The following APBA1 variants were observed in gnomAD, a reference collection of about 807,000 sequenced individuals.
APBA1 encodes amyloid beta precursor protein binding family A member 1.
In APBA1, 55 loss-of-function variants were observed where a neutral mutation model predicts 86.6. That is an observed-to-expected ratio of 0.64 (90% confidence interval 0.51 to 0.80). APBA1 has a LOEUF of 0.80. Ranked by LOEUF, APBA1 falls within the 30% of genes least tolerant of loss-of-function variation. The probability of loss-of-function intolerance (pLI) is 0.00; values close to 1 mark genes in which losing one functional copy is unlikely to be tolerated. For synonymous variants in APBA1, 511 were observed against 493.9 expected (o/e 1.03, Z -0.46); for missense variants, 1,090 against 1,183.0 (o/e 0.92, Z 1.15).
At chr9:69,459,545 C>A (rs1835156459) in intron 5 of APBA1, among the ~76,000 whole-genome samples, 1 of 152,208 alleles carries the variant, frequency 6.6e-6, no homozygotes, top group South Asian at 2.1e-4. Flanking sequence ...TCCAGTAATA[C>A]TTCTTGCCTT....
At chr9:69,593,763 G>T (rs1822177185) in intron 1 of APBA1, among the ~76,000 whole-genome samples, 1 of 152,136 alleles carries the variant, frequency 6.6e-6, no homozygotes, top group Non-Finnish European at 1.5e-5. Flanking sequence ...AGAGGTCCAG[G>T]ATTAAAATAA....
intron 6 of APBA1, among the ~76,000 whole-genome samples, chr9:69,457,350 C>T (rs1035487156): frequency 4.6e-5 from 7 of 152,264 alleles, no homozygotes; most frequent in South Asian, 2.1e-4. Context: ...GGGAAAAATG[C>T]GGAATCCCCT....
At chr9:69,663,244 C>T (rs912292081) in intron 1 of APBA1, among the ~76,000 whole-genome samples, 2 of 152,184 alleles carry the variant, frequency 1.3e-5, no homozygotes, top group African/African-American at 4.8e-5. Flanking sequence ...AAACTTGTTT[C>T]AGTGATGTAT....
intron 1 of APBA1, among the ~76,000 whole-genome samples, chr9:69,540,772 A>AT (rs989538362): frequency 1.3e-5 from 2 of 151,842 alleles, no homozygotes; most frequent in African/African-American, 4.8e-5. Flanking sequence ...CTAATTTTAA[A>AT]TTTTTTTGTA....
At chr9:69,630,906 G>T (rs1823029294) in intron 1 of APBA1, among the ~76,000 whole-genome samples, 1 of 152,224 alleles carries the variant, frequency 6.6e-6, no homozygotes. Context: ...GGACACTACA[G>T]TCAGTAAAGA....
intron 1 of APBA1, among the ~76,000 whole-genome samples, chr9:69,527,288 TTATTAA>T (rs1055031967): frequency 9.9e-5 from 15 of 152,078 alleles, no homozygotes; most frequent in East Asian, 3.8e-4. Context: ...CATGGTACAT[TTATTAA>T]TATTATTATT....
At chr9:69,547,055 C>T (rs1027942846) in intron 1 of APBA1, among the ~76,000 whole-genome samples, 3 of 152,320 alleles carry the variant, frequency 2.0e-5, no homozygotes, top group South Asian at 2.1e-4. Flanking sequence ...CTAGAAGACA[C>T]TTATGAATCT....
intron 2 of APBA1, among the ~76,000 whole-genome samples, chr9:69,506,414 C>G (rs2133878175): frequency 8.3e-6 from 1 of 120,430 alleles, no homozygotes; most frequent in African/African-American, 3.2e-5. Flanking sequence ...CTCAGAGGGT[C>G]CTACGCCCAC....
At chr9:69,566,526 A>G (rs1207039257) in intron 1 of APBA1, among the ~76,000 whole-genome samples, 2 of 152,170 alleles carry the variant, frequency 1.3e-5, no homozygotes, top group African/African-American at 4.8e-5. Context: ...GACTCTTACA[A>G]ATATAAATCT....
rs868740818 is a variant in APBA1, at chr9:69,627,568, C to T, written c.-70+44585G>A. 5.4e-4 allele frequency among the ~76,000 whole-genome samples: 82 copies of T among 152,196 alleles called. 1 individual carries two copies. Among genetic ancestry groups the T allele is most frequent in the African/African-American group, 1.9e-3 (80 of 41,512 alleles). ...TGTCAATTTGTTGTGATAACCTAAA[C>T]GACTTTCCTGGGTGACATAACAAGA... is the stretch of plus-strand genomic sequence containing the variant. On this transcript the variant is annotated intron_variant, in intron 1 of 12. Coordinates refer to ENST00000265381, the MANE Select transcript of APBA1 (RefSeq NM_001163.4).
chr9:69,666,310 G>A (rs1823838949), intron 1 of APBA1, among the ~76,000 whole-genome samples: 1 of 151,882 alleles, frequency 6.6e-6, no homozygotes, highest in Non-Finnish European at 1.5e-5. Context: ...CCAAATATCT[G>A]CAGGGCTCAC....
In APBA1 at chr9:69,441,064, C is replaced by A; in HGVS notation, c.2233G>T (p.Val745Leu). 6.2e-7 allele frequency: 1 copy of A among 1,614,116 alleles called. No individual in the cohort carries two copies. The highest frequency in any genetic ancestry group is 8.5e-7 in the Non-Finnish European group (1 of 1,180,038). ...GGTCTTCTGATTAACACGGTGGTCA[C>A]CGGAGGACATCTCACGATATTCAGC... ...VKLNIVRCPPVTTVLIRRPDL... is the reference protein window; with the variant it reads ...VKLNIVRCPPLTTVLIRRPDL... The change falls in exon 11 of 13, where the codon GTG becomes TTG. Residue 745 changes from valine to leucine, a missense_variant. This residue lies in a region of APBA1 where 119 missense variants were observed against 124.8 expected (regional missense o/e 0.95). Coordinates refer to ENST00000265381, the MANE Select transcript of APBA1 (RefSeq NM_001163.4).
chr9:69,558,553 CACACACACAT>C (rs1241615309), intron 1 of APBA1, among the ~76,000 whole-genome samples: 1 of 134,824 alleles, frequency 7.4e-6, no homozygotes, highest in African/African-American at 3.2e-5. Flanking sequence ...CATACACACA[CACACACACAT>C]ATATATATAT....
chr9:69,670,546 T>C (rs1823927629), intron 1 of APBA1, among the ~76,000 whole-genome samples: 1 of 152,168 alleles, frequency 6.6e-6, no homozygotes, highest in Non-Finnish European at 1.5e-5. Context: ...TAAAGTGCAC[T>C]CATTCCTATG....
At chr9:69,640,333 CA>C (rs1823262429) in intron 1 of APBA1, among the ~76,000 whole-genome samples, 1 of 151,950 alleles carries the variant, frequency 6.6e-6, no homozygotes, top group Admixed American at 6.6e-5. Flanking sequence ...GGAAATAAAG[CA>C]AATCTGGAAA....
At position 69,497,521 on chromosome 9, in the gene APBA1, C is replaced by T. The variant is rs556918540; in HGVS notation, c.1200+18490G>A. ...GTGCCCAGTGGCCCAGGTCACTCTC[C>T]ATCCCCAAAGTCCGAGAGTATCATC... On this transcript the variant is annotated intron_variant, in intron 2 of 12. Coordinates refer to ENST00000265381, the MANE Select transcript of APBA1 (RefSeq NM_001163.4). Among the ~76,000 whole-genome samples, 8 of 152,284 alleles carry T rather than the reference C, an allele frequency of 5.3e-5. No individual in the cohort carries two copies. The South Asian group carries it at 6.2e-4, about 12-fold the overall frequency.
chr9:69,494,889 C>G (rs1451430460), intron 2 of APBA1, among the ~76,000 whole-genome samples: 2 of 152,152 alleles, frequency 1.3e-5, no homozygotes, highest in Admixed American at 1.3e-4. Context: ...GTACATTATA[C>G]TCATTACCTC....
intron 1 of APBA1, among the ~76,000 whole-genome samples, chr9:69,641,909 G>C (rs563335423): frequency 2.4e-4 from 37 of 152,288 alleles, no homozygotes; most frequent in Admixed American, 5.9e-4. Flanking sequence ...GCCGTGGCGT[G>C]ATCTCGGCTC....
chr9:69,456,157 A>G, intron 8 of APBA1, 90 bp downstream of exon 8: 1 of 1,354,986 alleles, frequency 7.4e-7, no homozygotes, highest in Admixed American at 1.7e-5. Context: ...CAATAAATAC[A>G]TGCATCATGT....
Sources: gnomAD v4.1 joint callset for allele counts (sites outside exome capture counted in the v4.1 genomes callset) on GRCh38, gnomAD v4.1.1 for gene constraint, gnomAD v4.1.1 regional missense constraint, MANE v1.5 for transcripts, NCBI Gene and HGNC (gene_info 2026-07-23, HGNC 2026-07-21) for gene names.